Variants in RPS6KA1 observed in about 807,000 individuals in gnomAD.
RPS6KA1 encodes the protein ribosomal protein S6 kinase alpha-1.
Under a neutral mutation model 91.3 loss-of-function variants are expected in RPS6KA1, and 48 were observed. The observed-to-expected ratio is 0.53, with a 90% CI of 0.42 to 0.67. The LOEUF (loss-of-function observed/expected upper bound fraction) is 0.67. RPS6KA1 is among the 30% of genes least tolerant of loss of function. The probability of loss-of-function intolerance (pLI) is 0.00; values close to 1 mark genes in which losing one functional copy is unlikely to be tolerated. For synonymous variants in RPS6KA1, 359 were observed against 384.7 expected (o/e 0.93, Z 0.78); for missense variants, 719 against 960.5 (o/e 0.75, Z 3.32).
At chr1:26,531,020 G>C in intron 1 of RPS6KA1, 1 of 702,062 alleles carries the variant, frequency 1.4e-6, no homozygotes, top group Non-Finnish European at 1.9e-6. Context: ...CCCTGTCTCA[G>C]TCCCCTCCTC....
In RPS6KA1 at chr1:26,571,651, A is replaced by T. The variant is rs188158; in HGVS notation, c.1752+41A>T. ...TCCTCAGCTGTAAGAGTGAGGGGGA[A>T]TTGGAGGCCTTGTGCCCCCTCCCAG... is the stretch of plus-strand genomic sequence containing the variant. On this transcript the variant is annotated intron_variant, in intron 18 of 21. Transcript: ENST00000374168. This position sits in a 1 kb window ranked among gnomAD's most constrained non-coding sequence, Gnocchi z 5.1. The T allele has an allele frequency of 6.2e-7, 1 of 1,601,896 alleles. No homozygotes were observed. Among genetic ancestry groups the T allele is most frequent in the African/African-American group, 1.3e-5 (1 of 74,532 alleles).
chr1:26,566,346 C>T (rs1280385504), intron 17 of RPS6KA1, among the ~76,000 whole-genome samples: 3 of 131,464 alleles, frequency 2.3e-5, no homozygotes, highest in Admixed American at 9.2e-5. Flanking sequence ...TGCAGTGGTG[C>T]GATCTCGGCT....
chr1:26,553,781 G>C, intron 7 of RPS6KA1: 1 of 262,404 alleles, frequency 3.8e-6, no homozygotes, highest in Non-Finnish European at 7.2e-6. Context: ...CCTTGATAAA[G>C]CCCTATAGAA....
intron 17 of RPS6KA1, among the ~76,000 whole-genome samples, chr1:26,562,730 G>T (rs1371084886): frequency 1.3e-5 from 2 of 151,104 alleles, no homozygotes; most frequent in Admixed American, 1.3e-4. Context: ...TGCAGGCTAT[G>T]AATCCACCTG....
chr1:26,565,811 C>T (rs1327123412), intron 17 of RPS6KA1, among the ~76,000 whole-genome samples: 1 of 152,178 alleles, frequency 6.6e-6, no homozygotes, highest in East Asian at 1.9e-4. Flanking sequence ...ATCCACCGGT[C>T]TCGGCCTCCC....
chr1:26,561,618 C>T lies in RPS6KA1; in HGVS notation c.1545C>T (p.Val515=), dbSNP rs1463078545. 6.2e-7 allele frequency: 1 copy of T among 1,613,394 alleles called. No individual in the cohort carries two copies. The highest frequency in any genetic ancestry group is 2.2e-5 in the East Asian group (1 of 44,876). Residue 515 remains valine, a synonymous_variant, in exon 17 of 22, where the codon GTC becomes GTT. Transcript: ENST00000374168. This position sits in a 1 kb window ranked among gnomAD's most constrained non-coding sequence, Gnocchi z 5.7. ...KFFSEREASF[V]LHTIGKTVEY... ...TCTCAGAGCGGGAGGCCAGCTTTGT[C>T]CTGCACACCATTGGCAAAACTGTGG...
Position 26,574,756 on chromosome 1 carries a change from A to ATGC in RPS6KA1, c.*555_*556insTGC. Reference sequence around the variant, plus strand: ...TTCTAGAACCACTTCCTGCTACAGGAGGGGTCTCATGTCCTGCTGGCTTCC... The same window carrying ATGC: ...TTCTAGAACCACTTCCTGCTACAGGATGCGGGGTCTCATGTCCTGCTGGCTTCC... On this transcript the variant is annotated 3_prime_UTR_variant, in exon 22 of 22. Coordinates refer to ENST00000374168, the MANE Select transcript of RPS6KA1 (RefSeq NM_002953.4). This position sits in a 1 kb window ranked among gnomAD's most constrained non-coding sequence, Gnocchi z 4.3. 1 of 283,382 alleles carries ATGC rather than the reference A, an allele frequency of 3.5e-6. No homozygotes were observed. Among genetic ancestry groups the ATGC allele is most frequent in the Non-Finnish European group, 7.0e-6 (1 of 142,544 alleles). The allele number at this position is 283,382 out of a possible 1,614,324, so 17.6% of individuals were successfully genotyped here. A position where few individuals can be genotyped will look rare whatever the true frequency, so the allele number is the denominator to read the frequency against.
At position 26,554,086 on chromosome 1, in the gene RPS6KA1, C is replaced by T. The variant is rs1030869556; in HGVS notation, c.576-128C>T. 11 of 948,866 alleles carry T rather than the reference C, an allele frequency of 1.2e-5. No homozygotes were observed. In the East Asian group the frequency reaches 3.0e-4, roughly 26 times the overall value. 58.8% of individuals were successfully genotyped at this position (948,866 alleles called of 1,614,324 possible). On this transcript the variant is annotated intron_variant, in intron 7 of 21. Transcript: ENST00000374168. The surrounding 1 kb of genome is among the most constrained non-coding windows in gnomAD (Gnocchi z 4.6). ...TACTGCTACCACCCTGCAACACCCG[C>T]CCAGTCATCAGAGAGAATTGGGTGG... is the stretch of plus-strand genomic sequence containing the variant.
chr1:26,537,503 C>T (rs1175865534), intron 2 of RPS6KA1, among the ~76,000 whole-genome samples: 1 of 152,216 alleles, frequency 6.6e-6, no homozygotes, highest in African/African-American at 2.4e-5. Flanking sequence ...ATCTCTGCTT[C>T]CCCTGGGCCC....
intron 2 of RPS6KA1, among the ~76,000 whole-genome samples, chr1:26,545,436 A>G (rs1301821678): frequency 1.3e-5 from 2 of 149,354 alleles, no homozygotes; most frequent in Non-Finnish European, 1.5e-5. Flanking sequence ...TCAGCCTCCC[A>G]AAGTGCTGGG....
Position 26,554,465 on chromosome 1 carries a change from G to T in RPS6KA1, c.614-131G>T. ...TGAGCAAGTCACCTGACCTCTCTGG[G>T]CCTTAGCTTCCTCCTGAGTGTCATG... is the stretch of plus-strand genomic sequence containing the variant. On this transcript the variant is annotated intron_variant, in intron 8 of 21. Transcript: ENST00000374168. This position sits in a 1 kb window ranked among gnomAD's most constrained non-coding sequence, Gnocchi z 4.6. 7.7e-7 allele frequency: 1 copy of T among 1,293,180 alleles called. No individual in the cohort carries two copies. 80.1% of individuals were successfully genotyped at this position (1,293,180 alleles called of 1,614,324 possible). A position where few individuals can be genotyped will look rare whatever the true frequency, so the allele number is the denominator to read the frequency against.
At chr1:26,542,789 G>T (rs575102092) in intron 2 of RPS6KA1, among the ~76,000 whole-genome samples, 1 of 151,398 alleles carries the variant, frequency 6.6e-6, no homozygotes, top group African/African-American at 2.5e-5. Flanking sequence ...CAGTCGGACA[G>T]TGGCCTTTGC....
chr1:26,573,414 TG>T (rs2124675493), intron 21 of RPS6KA1, 53 bp downstream of exon 21: 1 of 1,607,728 alleles, frequency 6.2e-7, no homozygotes, highest in East Asian at 2.2e-5. Context: ...CAAGGTGGCA[TG>T]GTCAGGGACT....
intron 21 of RPS6KA1, among the ~76,000 whole-genome samples, chr1:26,573,768 T>C (rs928188628): frequency 6.6e-6 from 1 of 151,870 alleles, no homozygotes; most frequent in Non-Finnish European, 1.5e-5. Flanking sequence ...TGAAACCCCA[T>C]CTCTACTAAA....
At chr1:26,553,540 GCCTCTT>G in intron 7 of RPS6KA1, 43 bp downstream of exon 7, 5 of 1,345,636 alleles carry the variant, frequency 3.7e-6, no homozygotes, top group Non-Finnish European at 5.3e-6. Context: ...CCCAGGGGAG[GCCTCTT>G]CTAGGACAGG....
Position 26,547,265 on chromosome 1 carries a change from T to G in RPS6KA1, c.302T>G (p.Leu101Arg). 6.2e-7 allele frequency: 1 copy of G among 1,613,542 alleles called. No individual in the cohort carries two copies. Among genetic ancestry groups the G allele is most frequent in the Non-Finnish European group, 8.5e-7 (1 of 1,179,860 alleles). Residue 101 changes from leucine (L) to arginine (R), a missense_variant, in exon 4 of 22, where the codon CTG becomes CGG. Leu to Arg is a moderately radical substitution (Grantham distance 102). Transcript: ENST00000374168. This position sits in a 1 kb window ranked among gnomAD's most constrained non-coding sequence, Gnocchi z 4.1. ...YAMKVLKKAT[L>R]KVRDRVRTKM... ...ATGAAGGTGCTGAAGAAGGCAACGC[T>G]GAAAGGTGAGTGGGGACACCTCCCT...
chr1:26,572,399 T>C (rs2076257143), intron 20 of RPS6KA1, 106 bp downstream of exon 20: 2 of 744,162 alleles, frequency 2.7e-6, no homozygotes, highest in African/African-American at 1.7e-5. Context: ...AAGCGGATGT[T>C]CCACAAATCC....
At position 26,572,201 on chromosome 1, in the gene RPS6KA1, AG is replaced by A; in HGVS notation, c.1856del (p.Ser619MetfsTer8). ...AGYTPFANGP[S>X]DTPEEILTRI... Reference sequence around the variant, plus strand: ...ATATACTCCATTTGCCAACGGTCCCAGTGACACACCAGAGGAAATCCTAACC... The same window carrying A: ...ATATACTCCATTTGCCAACGGTCCCATGACACACCAGAGGAAATCCTAACC... On this transcript the variant is annotated frameshift_variant, in exon 20 of 22. Coordinates refer to ENST00000374168, the MANE Select transcript of RPS6KA1 (RefSeq NM_002953.4). LOFTEE classifies it high-confidence loss of function. 1 of 1,614,068 alleles carries A rather than the reference AG, an allele frequency of 6.2e-7. No homozygotes were observed. The highest frequency in any genetic ancestry group is 8.5e-7 in the Non-Finnish European group (1 of 1,179,978).
intron 1 of RPS6KA1, among the ~76,000 whole-genome samples, 187 bp downstream of exon 1, chr1:26,530,170 C>G (rs1357442423): frequency 6.6e-6 from 1 of 152,176 alleles, no homozygotes; most frequent in East Asian, 1.9e-4. Context: ...GGGACAGTTC[C>G]GCCAAGCGCC....
Sources: allele counts gnomAD v4.1 joint callset (sites outside exome capture counted in the v4.1 genomes callset), GRCh38; gene constraint gnomAD v4.1.1; non-coding constraint Gnocchi (gnomAD v3.1); transcripts MANE v1.5; gene names NCBI Gene and HGNC (gene_info 2026-07-23, HGNC 2026-07-21).